The following EXOC6B variants were observed in gnomAD, a reference collection of about 807,000 sequenced individuals.
EXOC6B encodes the protein exocyst complex component 6B, also known as SEC15 homolog B.
A neutral mutation model predicts 113.5 loss-of-function variants in EXOC6B; 54 were observed. The observed-to-expected ratio is 0.48, with a 90% CI of 0.38 to 0.60. The LOEUF (loss-of-function observed/expected upper bound fraction) is 0.60, where lower values mean the gene tolerates loss of function less well. Ranked by LOEUF, EXOC6B falls within the 20% of genes least tolerant of loss-of-function variation. EXOC6B has a pLI of 0.00. For synonymous variants in EXOC6B, 357 were observed against 339.0 expected (o/e 1.05, Z -0.58); for missense variants, 797 against 977.5 (o/e 0.82, Z 2.46).
intron 11 of EXOC6B, 102 bp from the exon 12 acceptor site, chr2:72,500,074 T>C: frequency 4.0e-6 from 3 of 748,750 alleles, no homozygotes; most frequent in Non-Finnish European, 6.8e-6. Context: ...GGCAAATTCT[T>C]TACCTGGTAA....
At chr2:72,322,096 T>G (rs1038755375) in intron 20 of EXOC6B, among the ~76,000 whole-genome samples, 8 of 152,278 alleles carry the variant, frequency 5.3e-5, no homozygotes, top group African/African-American at 1.9e-4. Context: ...ATAAAAAATA[T>G]ATGTTCATAC....
At chr2:72,623,298 C>T (rs528567356) in intron 6 of EXOC6B, among the ~76,000 whole-genome samples, 17 of 152,266 alleles carry the variant, frequency 1.1e-4, no homozygotes, top group African/African-American at 4.1e-4. Flanking sequence ...ATACCTCTAA[C>T]CTAGAACTCT....
chr2:72,529,244 G>A (rs905604519), intron 8 of EXOC6B, among the ~76,000 whole-genome samples: 3 of 151,970 alleles, frequency 2.0e-5, no homozygotes, highest in Admixed American at 1.3e-4. Flanking sequence ...AATGTGTTTC[G>A]GATTTTGTCA....
At chr2:72,186,340 T>C (rs1050568523) in intron 20 of EXOC6B, among the ~76,000 whole-genome samples, 1 of 152,222 alleles carries the variant, frequency 6.6e-6, no homozygotes, top group Non-Finnish European at 1.5e-5. Context: ...AGCATTTCTG[T>C]CCTGTAGTCT....
At chr2:72,300,312 G>GT (rs1227392709) in intron 20 of EXOC6B, among the ~76,000 whole-genome samples, 1 of 152,168 alleles carries the variant, frequency 6.6e-6, no homozygotes, top group Non-Finnish European at 1.5e-5. Context: ...TGGCAGCTTT[G>GT]TTTACACTGT....
chr2:72,315,339 A>ATGTG (rs141556284), intron 20 of EXOC6B, among the ~76,000 whole-genome samples: 30 of 148,668 alleles, frequency 2.0e-4, no homozygotes, highest in South Asian at 6.4e-4. Context: ...TAAAGGGTGT[A>ATGTG]TGTGTGTGTG....
intron 20 of EXOC6B, among the ~76,000 whole-genome samples, chr2:72,241,966 G>C (rs1682336793): frequency 6.6e-6 from 1 of 152,146 alleles, no homozygotes. Flanking sequence ...CAGCACTTTG[G>C]GAGGCTGAGG....
intron 20 of EXOC6B, among the ~76,000 whole-genome samples, chr2:72,295,362 T>A (rs1686066718): frequency 6.6e-6 from 1 of 152,176 alleles, no homozygotes; most frequent in African/African-American, 2.4e-5. Context: ...CCTAAAAACA[T>A]GAACAAGTTG....
intron 18 of EXOC6B, among the ~76,000 whole-genome samples, chr2:72,401,130 G>A (rs1303574702): frequency 1.3e-5 from 2 of 151,680 alleles, no homozygotes; most frequent in Non-Finnish European, 2.9e-5. Flanking sequence ...TGAGCTCCAA[G>A]TGGAAGGACC....
At chr2:72,761,910 C>G (rs1348766981) in intron 1 of EXOC6B, among the ~76,000 whole-genome samples, 1 of 151,636 alleles carries the variant, frequency 6.6e-6, no homozygotes, top group Non-Finnish European at 1.5e-5. Flanking sequence ...CCCAGGAGTT[C>G]AAGATCACCC....
At chr2:72,351,158 A>T (rs1358083251) in intron 19 of EXOC6B, among the ~76,000 whole-genome samples, 2 of 152,178 alleles carry the variant, frequency 1.3e-5, no homozygotes, top group Non-Finnish European at 2.9e-5. Context: ...GAAATTCTCC[A>T]GAAAGGTACA....
intron 1 of EXOC6B, among the ~76,000 whole-genome samples, chr2:72,808,135 A>C (rs957358635): frequency 3.3e-5 from 5 of 152,220 alleles, no homozygotes; most frequent in Admixed American, 3.3e-4. Context: ...TAACAACAAC[A>C]ACAAAACAGG....
At chr2:72,252,329 C>T (rs939986858) in intron 20 of EXOC6B, among the ~76,000 whole-genome samples, 3 of 152,128 alleles carry the variant, frequency 2.0e-5, no homozygotes, top group Admixed American at 2.0e-4. Context: ...ATGAAATACA[C>T]ATCCCTACTG....
Position 72,401,667 on chromosome 2 carries a change from GTA to G in EXOC6B, c.1981-21799_1981-21798del, listed in dbSNP as rs1244443202. 8.3e-4 allele frequency among the ~76,000 whole-genome samples: 20 copies of G among 24,082 alleles called. 1 individual carries two copies. The highest frequency in any genetic ancestry group is 3.9e-3 in the South Asian group (5 of 1,282). 15.8% of individuals were successfully genotyped at this position (24,082 alleles called of 152,430 possible). ...TATACATATATATATATATATATAT[GTA>G]TATATATATATATATATGAAAAAGA... On this transcript the variant is annotated intron_variant, in intron 18 of 21. Coordinates refer to ENST00000272427, the MANE Select transcript of EXOC6B (RefSeq NM_015189.3).
chr2:72,209,243 A>AG (rs200465533), intron 20 of EXOC6B, among the ~76,000 whole-genome samples: 34 of 110,650 alleles, frequency 3.1e-4, no homozygotes, highest in African/African-American at 1.0e-3. Flanking sequence ...AAAAAAAAAA[A>AG]AAAAGAAAAG....
intron 18 of EXOC6B, among the ~76,000 whole-genome samples, chr2:72,406,069 C>G (rs1693732404): frequency 6.6e-6 from 1 of 152,156 alleles, no homozygotes; most frequent in African/African-American, 2.4e-5. Context: ...TCTGATAAAA[C>G]AGACTTTAAA....
At chr2:72,728,497 TAG>T in intron 5 of EXOC6B, among the ~76,000 whole-genome samples, 2 of 152,214 alleles carry the variant, frequency 1.3e-5, no homozygotes, top group South Asian at 4.1e-4. Context: ...AGGATAGTTA[TAG>T]TAATAACCAC....
chr2:72,417,999 T>C (rs1694640436), intron 18 of EXOC6B, among the ~76,000 whole-genome samples: 1 of 152,142 alleles, frequency 6.6e-6, no homozygotes, highest in South Asian at 2.1e-4. Context: ...ATATTTAAAG[T>C]GATTATTGAC....
At chr2:72,264,884 T>A (rs1573123318) in intron 20 of EXOC6B, among the ~76,000 whole-genome samples, 1 of 152,012 alleles carries the variant, frequency 6.6e-6, no homozygotes, top group Non-Finnish European at 1.5e-5. Context: ...GAACTGTGAG[T>A]CAATTAAACC....
Sources: gnomAD v4.1 joint callset for allele counts (sites outside exome capture counted in the v4.1 genomes callset) on GRCh38, gnomAD v4.1.1 for gene constraint, MANE v1.5 for transcripts, NCBI Gene and HGNC (gene_info 2026-07-23, HGNC 2026-07-21) for gene names.